Variants in CSMD1 observed in about 807,000 individuals in gnomAD.
The protein encoded by CSMD1 is CUB and Sushi multiple domains 1.
In CSMD1, 213 loss-of-function variants were observed where a neutral mutation model predicts 417.5. The ratio of observed to expected loss-of-function variants is 0.51; its 90% CI spans 0.46 to 0.57. The LOEUF (loss-of-function observed/expected upper bound fraction) is 0.57. Ranked by LOEUF, CSMD1 falls within the 20% of genes least tolerant of loss-of-function variation. The pLI is 0.00. For synonymous variants in CSMD1, 2,862 were observed against 1,736.8 expected (o/e 1.65, Z -16.11); for missense variants, 6,923 against 4,529.7 (o/e 1.53, Z -15.17).
At chr8:4,337,261 T>C (rs1251132651) in intron 3 of CSMD1, among the ~76,000 whole-genome samples, 3 of 152,134 alleles carry the variant, frequency 2.0e-5, no homozygotes, top group African/African-American at 2.4e-5. Context: ...CATAGCATCA[T>C]GGCAACTAAA....
At chr8:3,608,667 G>T (rs959948563) in intron 8 of CSMD1, among the ~76,000 whole-genome samples, 2 of 151,628 alleles carry the variant, frequency 1.3e-5, no homozygotes, top group Non-Finnish European at 2.9e-5. Flanking sequence ...AGGAGGCTGA[G>T]GCAGGAGAAT....
At chr8:4,569,423 T>C (rs1291741603) in intron 2 of CSMD1, among the ~76,000 whole-genome samples, 2 of 152,216 alleles carry the variant, frequency 1.3e-5, no homozygotes, top group Admixed American at 6.5e-5. Flanking sequence ...TTGCTTGTTT[T>C]TGTCAGGTTT....
chr8:4,466,549 G>C (rs1429665355), intron 2 of CSMD1, among the ~76,000 whole-genome samples: 1 of 152,152 alleles, frequency 6.6e-6, no homozygotes, highest in Non-Finnish European at 1.5e-5. Context: ...AAAACCATGA[G>C]CAAAAATGGG....
chr8:4,608,089 C>T (rs534422557), intron 2 of CSMD1, among the ~76,000 whole-genome samples: 22 of 152,134 alleles, frequency 1.4e-4, no homozygotes, highest in African/African-American at 5.1e-4. Flanking sequence ...TTGGTGTATT[C>T]GAAACCAACA....
chr8:3,593,151 T>A (rs995185766), intron 8 of CSMD1, among the ~76,000 whole-genome samples: 1 of 152,190 alleles, frequency 6.6e-6, no homozygotes, highest in African/African-American at 2.4e-5. Flanking sequence ...ATAAGTGTGA[T>A]GGTGGCGTGG....
intron 69 of CSMD1, among the ~76,000 whole-genome samples, chr8:2,940,599 T>A (rs1420803670): frequency 6.6e-6 from 1 of 152,200 alleles, no homozygotes. Flanking sequence ...GACAGGGAAG[T>A]TTCTAAGGTT....
chr8:3,872,158 G>C (rs773102497), intron 5 of CSMD1, among the ~76,000 whole-genome samples: 1 of 152,092 alleles, frequency 6.6e-6, no homozygotes, highest in Non-Finnish European at 1.5e-5. Flanking sequence ...TTTAACCCGT[G>C]TTTGGATCCT....
intron 3 of CSMD1, among the ~76,000 whole-genome samples, chr8:4,112,836 G>C (rs1300479095): frequency 6.6e-6 from 1 of 152,056 alleles, no homozygotes; most frequent in Non-Finnish European, 1.5e-5. Context: ...TCACTGTATT[G>C]CACTTTGCTG....
intron 2 of CSMD1, among the ~76,000 whole-genome samples, chr8:4,502,496 G>A (rs976210836): frequency 6.6e-6 from 1 of 152,096 alleles, no homozygotes; most frequent in Non-Finnish European, 1.5e-5. Context: ...AATTCTGAGG[G>A]CCATGACCAC....
chr8:4,778,742 G>C (rs1158869246), intron 1 of CSMD1, among the ~76,000 whole-genome samples: 1 of 152,088 alleles, frequency 6.6e-6, no homozygotes, highest in Non-Finnish European at 1.5e-5. Flanking sequence ...TTAATCTTTA[G>C]GATTAAAAGC....
At chr8:3,636,010 T>C (rs1797028420) in intron 7 of CSMD1, among the ~76,000 whole-genome samples, 2 of 152,150 alleles carry the variant, frequency 1.3e-5, no homozygotes, top group Non-Finnish European at 1.5e-5. Context: ...ACAAACACAT[T>C]GAACAGCTGT....
At chr8:4,786,903 G>C (rs1041417841) in intron 1 of CSMD1, among the ~76,000 whole-genome samples, 5 of 152,118 alleles carry the variant, frequency 3.3e-5, no homozygotes, top group African/African-American at 4.8e-5. Flanking sequence ...TAAGATAAAA[G>C]TAGTTTAGCT....
intron 22 of CSMD1, among the ~76,000 whole-genome samples, chr8:3,346,381 G>T (rs1188609999): frequency 6.6e-6 from 1 of 152,032 alleles, no homozygotes; most frequent in African/African-American, 2.4e-5. Flanking sequence ...TGCCTTAAAG[G>T]CTTACTGACT....
intron 1 of CSMD1, among the ~76,000 whole-genome samples, chr8:4,696,831 C>A (rs979776633): frequency 3.9e-5 from 6 of 152,290 alleles, no homozygotes; most frequent in African/African-American, 1.2e-4. Flanking sequence ...CCACAAAAAT[C>A]ACAAAATGTA....
At chr8:3,645,915 C>T (rs1359046448) in intron 7 of CSMD1, among the ~76,000 whole-genome samples, 1 of 151,878 alleles carries the variant, frequency 6.6e-6, no homozygotes, top group Non-Finnish European at 1.5e-5. Flanking sequence ...AAATGTTTCC[C>T]CTTTAACTCT....
intron 3 of CSMD1, among the ~76,000 whole-genome samples, chr8:4,093,639 G>T (rs1800834489): frequency 6.6e-6 from 1 of 152,124 alleles, no homozygotes; most frequent in Non-Finnish European, 1.5e-5. Context: ...AACTATGATT[G>T]AGAGGAGAAA....
At chr8:4,742,909 A>G (rs572713315) in intron 1 of CSMD1, among the ~76,000 whole-genome samples, 1 of 152,326 alleles carries the variant, frequency 6.6e-6, no homozygotes, top group South Asian at 2.1e-4. Flanking sequence ...GTTAAAAAAA[A>G]TCTGAAAATA....
At chr8:3,662,212 G>A (rs566963789) in intron 7 of CSMD1, among the ~76,000 whole-genome samples, 1 of 152,142 alleles carries the variant, frequency 6.6e-6, no homozygotes, top group African/African-American at 2.4e-5. Flanking sequence ...ATTAACAGTG[G>A]GTTTAGGAAA....
At chr8:3,195,024 T>C (rs546581010) in intron 33 of CSMD1, among the ~76,000 whole-genome samples, 1 of 152,286 alleles carries the variant, frequency 6.6e-6, no homozygotes, top group Admixed American at 6.5e-5. Flanking sequence ...CCCTTTAAAA[T>C]GTACAGTAAA....
Sources: gnomAD v4.1 joint callset for allele counts (sites outside exome capture counted in the v4.1 genomes callset) on GRCh38, gnomAD v4.1.1 for gene constraint, MANE v1.5 for transcripts, NCBI Gene and HGNC (gene_info 2026-07-23, HGNC 2026-07-21) for gene names.